The following DHRS12 variants were observed in gnomAD, a reference collection of about 807,000 sequenced individuals.
The protein encoded by DHRS12 is dehydrogenase/reductase 12.
In DHRS12, 29 loss-of-function variants were observed where a neutral mutation model predicts 32.1. The ratio of observed to expected loss-of-function variants is 0.90; its 90% CI spans 0.67 to 1.23. The LOEUF (loss-of-function observed/expected upper bound fraction) is 1.23. Among genes scored for constraint, DHRS12 ranks in the 50% most tolerant of loss-of-function variants. DHRS12 has a pLI of 0.00. For missense variants in DHRS12, 330 were observed against 337.2 expected (o/e 0.98, Z 0.17); for synonymous variants, 150 against 135.9 (o/e 1.10, Z -0.72).
At chr13:51,761,673 G>C in the DHRS12 span, 1 of 152,180 alleles carries the variant, frequency 6.6e-6, no homozygotes, top group Non-Finnish European at 1.5e-5. Context: ...TAACTAGGGG[G>C]AAGTACTACA....
the DHRS12 span, chr13:51,755,250 G>A: frequency 6.8e-6 from 7 of 1,034,388 alleles, no homozygotes; most frequent in Non-Finnish European, 1.0e-5. Flanking sequence ...TCACACCTCT[G>A]TTTCTTTTAA....
the DHRS12 span, among the ~76,000 whole-genome samples, chr13:51,754,959 A>AGCTG: frequency 6.6e-6 from 1 of 152,148 alleles, no homozygotes; most frequent in South Asian, 2.1e-4. Context: ...TGCCCCCTCC[A>AGCTG]GCCTCATCTC....
chr13:51,802,169 TCACACA>T (rs56270918), intron 1 of DHRS12, among the ~76,000 whole-genome samples: 13,922 of 139,698 alleles, frequency 0.1, 814 homozygotes, highest in African/African-American at 0.17. Flanking sequence ...TCTCTATTTT[TCACACA>T]CACACACACA....
chr13:51,768,161 T>C lies in DHRS12; in HGVS notation c.*26A>G. The C allele has an allele frequency of 6.5e-7, 1 of 1,536,102 alleles. No homozygotes were observed. Among genetic ancestry groups the C allele is most frequent in the South Asian group, 1.2e-5 (1 of 84,062 alleles). The stretch of plus-strand genomic sequence containing the variant: ...CTTCTGGTATCTTCTAAGGCAATTC[T>C]GGTACCGCACTGTGTCTGGGTTGGC... On this transcript the variant is annotated 3_prime_UTR_variant, in exon 9 of 9. Transcript: ENST00000444610.
intron 4 of DHRS12, among the ~76,000 whole-genome samples, chr13:51,783,466 TAATA>T (rs762518655): frequency 1.3e-5 from 2 of 152,230 alleles, no homozygotes; most frequent in Admixed American, 1.3e-4. Flanking sequence ...CTTGTTGATA[TAATA>T]TATATATAAT....
the DHRS12 span, chr13:51,762,693 G>A: frequency 2.0e-5 from 3 of 152,302 alleles, no homozygotes; most frequent in East Asian, 1.9e-4. Context: ...CTGTCTAGGT[G>A]AACTCTCATA....
intron 8 of DHRS12, chr13:51,768,937 C>T (rs999048029): frequency 1.4e-6 from 2 of 1,396,800 alleles, no homozygotes; most frequent in Non-Finnish European, 1.9e-6. Context: ...ACCTTGATGA[C>T]AGGGTTATCA....
Position 51,769,377 on chromosome 13 carries a change from A to G in DHRS12, c.560-84T>C, listed in dbSNP as rs960170353. On this transcript the variant is annotated intron_variant, in intron 7 of 8. Coordinates refer to ENST00000444610, the MANE Select transcript of DHRS12 (RefSeq NM_001377533.1). ...TTCCCTTAATTTAAAAAAAAAAAAA[A>G]GTGCAAAAATGAAATGGGATCATAA... 4.7e-6 allele frequency: 5 copies of G among 1,059,310 alleles called. No homozygotes were observed. The African/African-American group carries it at 8.2e-5, about 17-fold the overall frequency. 65.6% of individuals were successfully genotyped at this position (1,059,310 alleles called of 1,614,324 possible). A position where few individuals can be genotyped will look rare whatever the true frequency, so the allele number is the denominator to read the frequency against.
chr13:51,791,234 G>T lies in DHRS12; in HGVS notation c.150C>A (p.Asp50Glu). The change falls in exon 3 of 9, where the codon GAC (aspartate) becomes GAA (glutamate). Residue 50 changes from aspartate (D) to glutamate (E), a missense_variant. By Grantham distance (45) the Asp-to-Glu change is conservative. Transcript: ENST00000444610. ...PSENIFLHIV[D>E]LSDPKQIWKF... ...TCCAGATTTGCTTGGGATCAGACAAGTCCACAATGTGCAGAAAAATGTTCT... is the reference window on the plus strand; with the variant it reads ...TCCAGATTTGCTTGGGATCAGACAATTCCACAATGTGCAGAAAAATGTTCT... 6.5e-7 allele frequency: 1 copy of T among 1,532,694 alleles called. No homozygotes were observed. The highest frequency in any genetic ancestry group is 1.4e-5 in the African/African-American group (1 of 71,026). The allele number at this position is 1,532,694 out of a possible 1,614,324, so 94.9% of individuals were successfully genotyped here. A position where few individuals can be genotyped will look rare whatever the true frequency, so the allele number is the denominator to read the frequency against.
chr13:51,802,599 A>G (rs1456602249), intron 1 of DHRS12, among the ~76,000 whole-genome samples: 3 of 152,244 alleles, frequency 2.0e-5, no homozygotes, highest in African/African-American at 7.2e-5. Flanking sequence ...TAGGTTCAGC[A>G]AAGTTTAGGA....
chr13:51,803,912 C>T (rs1016646851), intron 1 of DHRS12, 142 bp downstream of exon 1: 16 of 725,960 alleles, frequency 2.2e-5, no homozygotes, highest in Non-Finnish European at 3.0e-5. Context: ...AGACGGCGGG[C>T]GCACCCGTCG....
At chr13:51,789,921 C>T in intron 4 of DHRS12, 90 bp downstream of exon 4, 1 of 1,440,528 alleles carries the variant, frequency 6.9e-7, no homozygotes, top group South Asian at 1.6e-5. Flanking sequence ...GACCAAGAAC[C>T]AAAAAAGTTG....
Position 51,788,089 on chromosome 13 carries a change from G to A in DHRS12, c.301+1922C>T, listed in dbSNP as rs967835575. ...TCACACAAAGCCCAGTACTTGGAAG[G>A]ACCCTGCACCTGGTTTAATGCTCTG... On this transcript the variant is annotated intron_variant, in intron 4 of 8. Transcript: ENST00000444610. Among the ~76,000 whole-genome samples the A allele has an allele frequency of 4.0e-5, 6 of 151,282 alleles. No individual in the cohort carries two copies. In the South Asian group the frequency reaches 8.3e-4, roughly 21 times the overall value.
intron 2 of DHRS12, among the ~76,000 whole-genome samples, chr13:51,798,171 C>G (rs1176289137): frequency 6.6e-6 from 1 of 152,168 alleles, no homozygotes; most frequent in Non-Finnish European, 1.5e-5. Context: ...AAACATTGAT[C>G]TGGGTCACAT....
chr13:51,800,499 G>A (rs1042659793), intron 1 of DHRS12, among the ~76,000 whole-genome samples: 2 of 152,222 alleles, frequency 1.3e-5, no homozygotes, highest in Non-Finnish European at 2.9e-5. Context: ...CTCTGCCCAC[G>A]CACAGGCAGG....
At chr13:51,766,504 C>T (rs1402538677), downstream of DHRS12, 1 of 152,210 alleles carries the variant, frequency 6.6e-6, no homozygotes, top group East Asian at 1.9e-4. Context: ...GAACAGATTT[C>T]TCCCGTGTGG....
Position 51,772,560 on chromosome 13 carries a change from T to C in DHRS12, c.469-649A>G, listed in dbSNP as rs144639328. On this transcript the variant is annotated intron_variant, in intron 6 of 8. Coordinates refer to ENST00000444610, the MANE Select transcript of DHRS12 (RefSeq NM_001377533.1). ...TACTCAGGAGGCTGAGGTAGGAGAATTGCTTAAACCAAGGAGATGGAGGTT... is the reference window on the plus strand; with the variant it reads ...TACTCAGGAGGCTGAGGTAGGAGAACTGCTTAAACCAAGGAGATGGAGGTT... 12 of 926,282 alleles carry C rather than the reference T, an allele frequency of 1.3e-5. No homozygotes were observed. The African/African-American group carries it at 2.0e-4, about 15-fold the overall frequency. 57.4% of individuals were successfully genotyped at this position (926,282 alleles called of 1,614,324 possible). A position where few individuals can be genotyped will look rare whatever the true frequency, so the allele number is the denominator to read the frequency against.
chr13:51,770,981 GATAA>G lies in DHRS12; in HGVS notation c.559+836_559+839del. On this transcript the variant is annotated intron_variant, in intron 7 of 8. Coordinates refer to ENST00000444610, the MANE Select transcript of DHRS12 (RefSeq NM_001377533.1). ...TCTTAGGATGAATTCCAAGGCTTCT[GATAA>G]ATAGTGATTTTCAGAAAGGCCATGC... is the stretch of plus-strand genomic sequence containing the variant. 5.8e-6 allele frequency: 8 copies of G among 1,368,934 alleles called. No homozygotes were observed. In the South Asian group the frequency reaches 7.1e-5, roughly 12 times the overall value. 84.8% of individuals were successfully genotyped at this position (1,368,934 alleles called of 1,614,324 possible).
chr13:51,787,935 ATATATAATT>A (rs1955069439), intron 4 of DHRS12, among the ~76,000 whole-genome samples: 1 of 15,754 alleles, frequency 6.3e-5, no homozygotes, highest in African/African-American at 2.0e-4. Context: ...ATATACTTAT[ATATATAATT>A]ATATATAATA....
Sources: allele counts gnomAD v4.1 joint callset (sites outside exome capture counted in the v4.1 genomes callset), GRCh38; gene constraint gnomAD v4.1.1; transcripts MANE v1.5; gene names NCBI Gene and HGNC (gene_info 2026-07-23, HGNC 2026-07-21).